UGGT2: variants seen among roughly 807,000 people sequenced by gnomAD.
UGGT2 encodes the protein UDP-glucose glycoprotein glucosyltransferase 2.
UGGT2 carries 180 observed loss-of-function variants against 192.1 expected under a neutral mutation model. The observed-to-expected ratio is 0.94, with a 90% CI of 0.83 to 1.06. UGGT2 has a LOEUF of 1.06. Among genes scored for constraint, UGGT2 ranks in the 50% least tolerant of loss-of-function variants. The pLI is 0.00. For synonymous variants in UGGT2, 580 were observed against 591.0 expected (o/e 0.98, Z 0.27); for missense variants, 1,849 against 1,795.7 (o/e 1.03, Z -0.54).
chr13:95,991,449 T>A, intron 7 of UGGT2: 1 of 454,650 alleles, frequency 2.2e-6, no homozygotes, highest in Non-Finnish European at 4.4e-6. Flanking sequence ...TGAAAACACG[T>A]ATTTTCAATA....
chr13:96,010,613 A>G (rs1015957847), intron 5 of UGGT2, among the ~76,000 whole-genome samples: 2 of 152,192 alleles, frequency 1.3e-5, no homozygotes, highest in African/African-American at 4.8e-5. Flanking sequence ...AAAAACACTG[A>G]TGAAAGAAAT....
chr13:95,863,531 AC>A, intron 31 of UGGT2, 97 bp downstream of exon 31: 1 of 862,822 alleles, frequency 1.2e-6, no homozygotes, highest in South Asian at 1.4e-5. Context: ...AGATTAGAGG[AC>A]CTTTGCCTTA....
chr13:95,884,900 A>G (rs978058871), intron 26 of UGGT2, among the ~76,000 whole-genome samples: 5 of 152,298 alleles, frequency 3.3e-5, no homozygotes, highest in South Asian at 2.1e-4. Context: ...ACCATTGTTA[A>G]CTATTCCTTA....
At chr13:96,052,228 AAT>A (rs1442198004) in intron 1 of UGGT2, among the ~76,000 whole-genome samples, 1 of 152,248 alleles carries the variant, frequency 6.6e-6, no homozygotes, top group Non-Finnish European at 1.5e-5. Flanking sequence ...TGGAAAACCA[AAT>A]ATAGTATGTT....
chr13:95,875,181 T>C (rs1396766111), intron 29 of UGGT2, among the ~76,000 whole-genome samples: 1 of 152,224 alleles, frequency 6.6e-6, no homozygotes, highest in Non-Finnish European at 1.5e-5. Flanking sequence ...TTAATGTAGA[T>C]TTTCTTAATG....
intron 38 of UGGT2, among the ~76,000 whole-genome samples, chr13:95,810,740 CACAAGCAAGGAAAG>C: frequency 6.6e-6 from 1 of 151,986 alleles, no homozygotes; most frequent in East Asian, 1.9e-4. Flanking sequence ...GTACCAAAAA[CACAAGCAAGGAAAG>C]ACAAAAAAAC....
intron 1 of UGGT2, among the ~76,000 whole-genome samples, chr13:96,048,677 C>T (rs555998047): frequency 2.2e-4 from 34 of 152,126 alleles, no homozygotes; most frequent in African/African-American, 7.9e-4. Context: ...CCACAGAAAT[C>T]CAAACTACCA....
chr13:96,036,262 A>C (rs2052999400), intron 1 of UGGT2, among the ~76,000 whole-genome samples: 1 of 152,198 alleles, frequency 6.6e-6, no homozygotes, highest in African/African-American at 2.4e-5. Context: ...AGAAACATGG[A>C]TGGAGCTGGA....
intron 12 of UGGT2, among the ~76,000 whole-genome samples, chr13:95,961,259 T>C (rs1249823382): frequency 6.6e-6 from 1 of 152,030 alleles, no homozygotes. Flanking sequence ...ATATCAATAA[T>C]AACCTTGAAT....
At chr13:95,865,532 C>T (rs1381193579) in intron 30 of UGGT2, among the ~76,000 whole-genome samples, 1 of 152,158 alleles carries the variant, frequency 6.6e-6, no homozygotes, top group Non-Finnish European at 1.5e-5. Context: ...GGCATGGTAG[C>T]ACATGCCTGT....
chr13:95,879,269 T>TC (rs2047424465), intron 27 of UGGT2, among the ~76,000 whole-genome samples: 1 of 152,208 alleles, frequency 6.6e-6, no homozygotes, highest in African/African-American at 2.4e-5. Flanking sequence ...TTTCTCTTGT[T>TC]CCTATATATT....
At chr13:95,875,760 T>G (rs1018115545) in intron 29 of UGGT2, among the ~76,000 whole-genome samples, 1 of 152,166 alleles carries the variant, frequency 6.6e-6, no homozygotes, top group Non-Finnish European at 1.5e-5. Flanking sequence ...TCTGTGTGCA[T>G]AAGCCATCAA....
At position 95,983,799 on chromosome 13, in the gene UGGT2, C is replaced by G. The variant is rs751692893; in HGVS notation, c.1092+5G>C. 19 of 1,547,752 alleles carry G rather than the reference C, an allele frequency of 1.2e-5. No homozygotes were observed. The highest frequency in any genetic ancestry group is 1.6e-5 in the Non-Finnish European group (18 of 1,142,994). On this transcript the variant is annotated splice_donor_5th_base_variant and intron_variant, in intron 10 of 38. Coordinates refer to ENST00000376747, the MANE Select transcript of UGGT2 (RefSeq NM_020121.4). ...AAATGTTTTAAAAAAGGAATTCAAA[C>G]AAACCTTTTGATTTTCCTTTATTTC... is the stretch of plus-strand genomic sequence containing the variant.
intron 12 of UGGT2, among the ~76,000 whole-genome samples, chr13:95,950,579 T>C (rs1044629494): frequency 9.6e-5 from 9 of 94,220 alleles, no homozygotes; most frequent in Admixed American, 2.5e-4. Context: ...AAGGACCAAA[T>C]ATTGAAATGA....
At chr13:95,954,114 A>G (rs1436941014) in intron 12 of UGGT2, among the ~76,000 whole-genome samples, 1 of 152,212 alleles carries the variant, frequency 6.6e-6, no homozygotes, top group Non-Finnish European at 1.5e-5. Flanking sequence ...TGGCTCAAGT[A>G]CACAAACTTA....
chr13:95,877,210 T>A (rs1249876267), intron 29 of UGGT2, 69 bp downstream of exon 29: 15 of 1,242,744 alleles, frequency 1.2e-5, no homozygotes, highest in Non-Finnish European at 1.7e-5. Context: ...GTTGTTTTGA[T>A]TCTCTTGGTT....
At chr13:95,897,370 T>C (rs1280624355) in intron 22 of UGGT2, among the ~76,000 whole-genome samples, 2 of 152,164 alleles carry the variant, frequency 1.3e-5, no homozygotes, top group African/African-American at 4.8e-5. Context: ...ACTGTGAATA[T>C]GTAGTGTAAT....
chr13:95,970,027 A>G (rs2050719946), intron 12 of UGGT2, 85 bp downstream of exon 12: 2 of 1,376,388 alleles, frequency 1.5e-6, no homozygotes, highest in African/African-American at 2.9e-5. Context: ...GCTGACATTT[A>G]TCATCAGGCC....
chr13:95,857,173 C>T (rs1198051535), intron 33 of UGGT2, among the ~76,000 whole-genome samples: 1 of 151,950 alleles, frequency 6.6e-6, no homozygotes, highest in Non-Finnish European at 1.5e-5. Context: ...CCAATTTTAT[C>T]TGTGAAATCT....
Sources: allele counts gnomAD v4.1 joint callset (sites outside exome capture counted in the v4.1 genomes callset), GRCh38; gene constraint gnomAD v4.1.1; transcripts MANE v1.5; gene names NCBI Gene and HGNC (gene_info 2026-07-23, HGNC 2026-07-21).